Variants in TMEM132D observed in about 807,000 individuals in gnomAD.
TMEM132D encodes the protein transmembrane protein 132D.
Under a neutral mutation model 62.3 loss-of-function variants are expected in TMEM132D, and 21 were observed. The observed-to-expected ratio is 0.34, with a 90% CI of 0.24 to 0.49. TMEM132D has a LOEUF of 0.49. Among genes scored for constraint, TMEM132D ranks in the 20% least tolerant of loss-of-function variants. The pLI, the probability that TMEM132D is intolerant of heterozygous loss-of-function variation, is 0.99. For synonymous variants in TMEM132D, 621 were observed against 575.6 expected (o/e 1.08, Z -1.13); for missense variants, 1,346 against 1,402.8 (o/e 0.96, Z 0.65).
rs1161309363 is a variant in TMEM132D, at chr12:129,281,837, A to G, written c.1299+55797T>C. Among the ~76,000 whole-genome samples the G allele has an allele frequency of 2.0e-5, 3 of 149,506 alleles. No individual in the cohort carries two copies. The East Asian group carries it at 5.8e-4, about 29-fold the overall frequency. ...ACCTGGGAGGTTATGGCTCCCTCAA[A>G]CCTCCTCAAACTACCGCCAAAGCCT... On this transcript the variant is annotated intron_variant, in intron 4 of 8. Transcript: ENST00000422113.
intron 1 of TMEM132D, among the ~76,000 whole-genome samples, chr12:129,736,914 C>T (rs1384348553): frequency 6.6e-6 from 1 of 151,078 alleles, no homozygotes; most frequent in African/African-American, 2.4e-5. Context: ...GCCACCCGGG[C>T]TCAAGCGATT....
intron 5 of TMEM132D, among the ~76,000 whole-genome samples, chr12:129,166,560 A>T (rs1218767528): frequency 6.6e-6 from 1 of 151,800 alleles, no homozygotes; most frequent in Non-Finnish European, 1.5e-5. Flanking sequence ...CTGCTATGTG[A>T]TTACTAAAAC....
rs760789583 is a variant in TMEM132D at position 129,424,551 on chromosome 12, C to CA, written c.1116-86735dup. ...CCGTCTCTACTCTCTATTAAAAATA[C>CA]AAAAAAATTAGCCGGGCGTGGTGGT... On this transcript the variant is annotated intron_variant, in intron 3 of 8. Transcript: ENST00000422113. Among the ~76,000 whole-genome samples, 5 of 151,574 alleles carry CA rather than the reference C, an allele frequency of 3.3e-5. No individual in the cohort carries two copies. In the East Asian group the frequency reaches 5.8e-4, roughly 18 times the overall value.
chr12:129,377,488 C>A (rs184163471), intron 3 of TMEM132D, among the ~76,000 whole-genome samples: 2 of 152,262 alleles, frequency 1.3e-5, no homozygotes, highest in Admixed American at 1.3e-4. Context: ...AATAATTTCT[C>A]CATCTCCATC....
At chr12:129,215,898 T>C (rs2135570699) in intron 4 of TMEM132D, among the ~76,000 whole-genome samples, 1 of 152,154 alleles carries the variant, frequency 6.6e-6, no homozygotes, top group South Asian at 2.1e-4. Flanking sequence ...CCAAATAAAA[T>C]CATCAGATCT....
intron 2 of TMEM132D, among the ~76,000 whole-genome samples, chr12:129,607,194 A>G (rs1243020756): frequency 6.6e-6 from 1 of 152,080 alleles, no homozygotes; most frequent in Non-Finnish European, 1.5e-5. Flanking sequence ...ACAGTTTATT[A>G]TAGCGAAATG....
intron 2 of TMEM132D, among the ~76,000 whole-genome samples, chr12:129,623,805 A>G (rs998628477): frequency 5.9e-5 from 9 of 151,428 alleles, no homozygotes; most frequent in African/African-American, 2.2e-4. Context: ...TTCTTTACCT[A>G]CTTATCAGTT....
chr12:129,382,311 C>G lies in TMEM132D; in HGVS notation c.1116-44494G>C, dbSNP rs111963384. Among the ~76,000 whole-genome samples, 243 of 152,232 alleles carry G rather than the reference C, an allele frequency of 1.6e-3. 2 individuals carry two copies. Among genetic ancestry groups the G allele is most frequent in the African/African-American group, 5.3e-3 (222 of 41,534 alleles). The stretch of plus-strand genomic sequence containing the variant: ...TTTTAGCACTTAAATTCCTTCCCGT[C>G]CATTAAGTTGACAAGGAGTATTCAA... On this transcript the variant is annotated intron_variant, in intron 3 of 8. Transcript: ENST00000422113.
At chr12:129,817,756 TA>T (rs1295856605) in intron 1 of TMEM132D, among the ~76,000 whole-genome samples, 1 of 124,676 alleles carries the variant, frequency 8.0e-6, no homozygotes, top group Non-Finnish European at 1.7e-5. Context: ...TGGTGTGGGG[TA>T]TGTGTGTCTG....
chr12:129,404,136 T>G (rs1871701819), intron 3 of TMEM132D, among the ~76,000 whole-genome samples: 1 of 152,014 alleles, frequency 6.6e-6, no homozygotes, highest in South Asian at 2.1e-4. Context: ...AAAAGAAAAT[T>G]AGTAGGGAAG....
intron 1 of TMEM132D, among the ~76,000 whole-genome samples, chr12:129,750,558 G>C (rs1869966532): frequency 6.6e-6 from 1 of 152,112 alleles, no homozygotes; most frequent in South Asian, 2.1e-4. Context: ...CCAAATAACA[G>C]GCCTATTCGT....
At chr12:129,418,442 C>A (rs1213919435) in intron 3 of TMEM132D, among the ~76,000 whole-genome samples, 4 of 152,152 alleles carry the variant, frequency 2.6e-5, no homozygotes, top group African/African-American at 9.7e-5. Context: ...CCATCACCCT[C>A]AGCAAACTAA....
intron 5 of TMEM132D, among the ~76,000 whole-genome samples, chr12:129,152,270 TG>T (rs149931694): frequency 6.6e-6 from 1 of 152,170 alleles, no homozygotes; most frequent in Admixed American, 6.5e-5. Flanking sequence ...CACTGGGTAA[TG>T]GGGGTGTTGT....
intron 1 of TMEM132D, among the ~76,000 whole-genome samples, chr12:129,769,125 G>T (rs1312792201): frequency 1.3e-5 from 2 of 152,142 alleles, no homozygotes; most frequent in African/African-American, 4.8e-5. Context: ...ACTGTAGGGA[G>T]GGAAGGGATG....
intron 3 of TMEM132D, among the ~76,000 whole-genome samples, chr12:129,415,815 A>G (rs1202319006): frequency 1.3e-5 from 2 of 152,198 alleles, no homozygotes; most frequent in Non-Finnish European, 2.9e-5. Context: ...TCAGACTGGC[A>G]TGGTGGCTGA....
At chr12:129,480,613 T>A (rs1379576914) in intron 3 of TMEM132D, among the ~76,000 whole-genome samples, 1 of 152,116 alleles carries the variant, frequency 6.6e-6, no homozygotes, top group Non-Finnish European at 1.5e-5. Context: ...TGGTTCTGAG[T>A]CATACCTTCT....
chr12:129,221,039 T>C (rs915260153), intron 4 of TMEM132D, among the ~76,000 whole-genome samples: 1 of 152,228 alleles, frequency 6.6e-6, no homozygotes, highest in Non-Finnish European at 1.5e-5. Flanking sequence ...GCTCCGAGAA[T>C]ATGCCATTTG....
chr12:129,667,341 T>G (rs981580816), intron 2 of TMEM132D, among the ~76,000 whole-genome samples: 1 of 152,158 alleles, frequency 6.6e-6, no homozygotes, highest in Non-Finnish European at 1.5e-5. Context: ...TCTATAATGT[T>G]AAAAGATAAT....
intron 2 of TMEM132D, among the ~76,000 whole-genome samples, chr12:129,601,703 G>A (rs1158254078): frequency 6.9e-6 from 1 of 145,754 alleles, no homozygotes; most frequent in Admixed American, 7.0e-5. Context: ...CTGTCTGTGG[G>A]GCAGTCAGAA....
Sources: gnomAD v4.1 joint callset for allele counts (sites outside exome capture counted in the v4.1 genomes callset) on GRCh38, gnomAD v4.1.1 for gene constraint, MANE v1.5 for transcripts, NCBI Gene and HGNC (gene_info 2026-07-23, HGNC 2026-07-21) for gene names.